Variants in PCDH15 observed in about 807,000 individuals in gnomAD.
The protein encoded by PCDH15 is protocadherin-15.
A neutral mutation model predicts 178.5 loss-of-function variants in PCDH15; 129 were observed. That is an observed-to-expected ratio of 0.72 (90% CI 0.63 to 0.84). The LOEUF (loss-of-function observed/expected upper bound fraction) is 0.84. Among genes scored for constraint, PCDH15 ranks in the 40% least tolerant of loss-of-function variants. The pLI, the probability that PCDH15 is intolerant of heterozygous loss-of-function variation, is 0.00. For missense variants in PCDH15, 2,230 were observed against 2,099.9 expected (o/e 1.06, Z -1.21); for synonymous variants, 800 against 732.0 (o/e 1.09, Z -1.50).
intron 8 of PCDH15, among the ~76,000 whole-genome samples, chr10:54,294,955 G>A (rs941978334): frequency 6.6e-6 from 1 of 152,210 alleles, no homozygotes; most frequent in Non-Finnish European, 1.5e-5. Flanking sequence ...TATAGTTGGT[G>A]CAAGTATGCC....
chr10:54,342,927 G>C (rs1942525983), intron 6 of PCDH15, among the ~76,000 whole-genome samples: 1 of 152,178 alleles, frequency 6.6e-6, no homozygotes, highest in Admixed American at 6.5e-5. Context: ...CATACAGAAT[G>C]GGTGTATATA....
chr10:54,994,223 T>A (rs1839579838), intron 2 of PCDH15, among the ~76,000 whole-genome samples: 1 of 152,206 alleles, frequency 6.6e-6, no homozygotes, highest in South Asian at 2.1e-4. Flanking sequence ...CTAATTAATG[T>A]CCTAATTAAT....
chr10:53,984,451 T>C (rs2090957303), intron 21 of PCDH15, among the ~76,000 whole-genome samples: 1 of 152,056 alleles, frequency 6.6e-6, no homozygotes, highest in Admixed American at 6.6e-5. Flanking sequence ...TGCCTGGCCT[T>C]ACTTGATTGA....
At chr10:54,051,377 G>A (rs2093770402) in intron 18 of PCDH15, among the ~76,000 whole-genome samples, 3 of 152,162 alleles carry the variant, frequency 2.0e-5, no homozygotes, top group African/African-American at 7.2e-5. Flanking sequence ...CTAGAGACTT[G>A]TTGAACGGCT....
intron 3 of PCDH15, among the ~76,000 whole-genome samples, chr10:54,896,839 A>C (rs1369452457): frequency 6.6e-6 from 1 of 152,102 alleles, no homozygotes; most frequent in African/African-American, 2.4e-5. Flanking sequence ...AGTAAAAAAA[A>C]CAATGTTTCT....
chr10:54,395,996 T>A (rs73249946), intron 3 of PCDH15, among the ~76,000 whole-genome samples: 4,007 of 152,138 alleles, frequency 0.026, 170 homozygotes, highest in African/African-American at 0.089. Context: ...TGGCATAAGG[T>A]TTGTTGAGCT....
chr10:54,764,056 T>C (rs536466944), intron 1 of PCDH15, among the ~76,000 whole-genome samples: 9 of 152,032 alleles, frequency 5.9e-5, no homozygotes, highest in African/African-American at 2.2e-4. Flanking sequence ...GGGCTCAACA[T>C]GTAATGATGA....
intron 2 of PCDH15, among the ~76,000 whole-genome samples, chr10:54,921,780 G>T (rs1837495327): frequency 6.6e-6 from 1 of 152,034 alleles, no homozygotes; most frequent in Non-Finnish European, 1.5e-5. Context: ...CCTCTGACTG[G>T]GTAATTTCTA....
chr10:53,848,297 T>TGTCCACTA (rs2078114440), intron 28 of PCDH15, among the ~76,000 whole-genome samples: 1 of 151,660 alleles, frequency 6.6e-6, no homozygotes, highest in Non-Finnish European at 1.5e-5. Context: ...AAGAAATAAA[T>TGTCCACTA]GTCCACTATG....
chr10:55,015,016 T>C lies in PCDH15; in HGVS notation c.-79-117516A>G, dbSNP rs563672592. Among the ~76,000 whole-genome samples, 10 of 151,722 alleles carry C rather than the reference T, an allele frequency of 6.6e-5. 1 individual carries two copies. The South Asian group carries it at 2.1e-3, about 32-fold the overall frequency. ...CGGGCAGATCACTTGAGGTCAGGAG[T>C]TCAAGATCAGCCTGAGCAACATGGT... On this transcript the variant is annotated intron_variant, in intron 2 of 5. Transcript: ENST00000458638.
intron 2 of PCDH15, among the ~76,000 whole-genome samples, chr10:55,464,625 A>AATATATATATAT (rs201924826): frequency 6.3e-5 from 4 of 63,028 alleles, no homozygotes; most frequent in Admixed American, 1.7e-4. Context: ...AATGGGAGTA[A>AATATATATATAT]ATATATATAT....
intron 9 of PCDH15, among the ~76,000 whole-genome samples, chr10:54,223,801 C>T (rs2053152374): frequency 1.3e-5 from 2 of 152,022 alleles, no homozygotes; most frequent in South Asian, 2.1e-4. Flanking sequence ...TCTAATCCCT[C>T]ATCTTGAAAT....
intron 3 of PCDH15, among the ~76,000 whole-genome samples, chr10:54,880,142 T>C (rs1954234657): frequency 6.6e-6 from 1 of 152,158 alleles, no homozygotes; most frequent in Non-Finnish European, 1.5e-5. Flanking sequence ...CATCATCAAC[T>C]ACAGCTAAAA....
intron 3 of PCDH15, among the ~76,000 whole-genome samples, chr10:54,871,473 A>C (rs779382880): frequency 6.6e-6 from 1 of 151,714 alleles, no homozygotes; most frequent in African/African-American, 2.4e-5. Flanking sequence ...TTAACATCCC[A>C]AAAAGAATGG....
intron 4 of PCDH15, among the ~76,000 whole-genome samples, chr10:54,371,128 C>T (rs1565106551): frequency 6.6e-6 from 1 of 151,648 alleles, no homozygotes; most frequent in Non-Finnish European, 1.5e-5. Context: ...AGACATGGTT[C>T]AAAGTCATCT....
At chr10:53,933,472 T>G (rs370470954) in intron 25 of PCDH15, among the ~76,000 whole-genome samples, 1 of 152,002 alleles carries the variant, frequency 6.6e-6, no homozygotes, top group African/African-American at 2.4e-5. Context: ...TGGTTTCCAG[T>G]TTCATCCATG....
chr10:55,560,640 T>C (rs539370450), intron 2 of PCDH15, among the ~76,000 whole-genome samples: 3 of 151,970 alleles, frequency 2.0e-5, no homozygotes, highest in African/African-American at 7.2e-5. Flanking sequence ...TGTAAATCAA[T>C]TCAGTAATGA....
In PCDH15 at chr10:54,066,857, A is replaced by G. The variant is rs942872443; in HGVS notation, c.2120T>C (p.Val707Ala). 1 of 1,613,338 alleles carries G rather than the reference A, an allele frequency of 6.2e-7. No individual in the cohort carries two copies. Among genetic ancestry groups the G allele is most frequent in the South Asian group, 1.1e-5 (1 of 91,076 alleles). ...TGGAGCATTGTCATTGACATCTGTC[A>G]CCACTATGTTTACTGTGGCAGTTGA... ...GTSTATVNIV[V>A]TDVNDNAPVF... The change falls in exon 18 of 38, where the codon GTG becomes GCG. Residue 707 changes from valine (V) to alanine (A), a missense_variant. Physicochemically the swap from Val to Ala is moderately conservative, Grantham distance 64. Transcript: ENST00000644397.
At chr10:54,456,560 G>T (rs1008258550) in intron 3 of PCDH15, among the ~76,000 whole-genome samples, 5 of 152,184 alleles carry the variant, frequency 3.3e-5, no homozygotes, top group African/African-American at 1.2e-4. Context: ...CCTTGTCTCA[G>T]ATGAGACTTT....
Sources: allele counts gnomAD v4.1 joint callset (sites outside exome capture counted in the v4.1 genomes callset), GRCh38; gene constraint gnomAD v4.1.1; transcripts MANE v1.5; gene names NCBI Gene and HGNC (gene_info 2026-07-23, HGNC 2026-07-21).